KANK1: variants seen among roughly 807,000 people sequenced by gnomAD.
The protein encoded by KANK1 is KN motif and ankyrin repeat domains 1, also known as KN motif and ankyrin repeat domain-containing protein 1.
Under a neutral mutation model 106.2 loss-of-function variants are expected in KANK1, and 109 were observed. The ratio of observed to expected loss-of-function variants is 1.03; its 90% CI spans 0.88 to 1.20. The LOEUF is 1.20. Among genes scored for constraint, KANK1 ranks in the 50% most tolerant of loss-of-function variants. The pLI is 0.00. For missense variants in KANK1, 2,399 were observed against 1,710.7 expected, an observed-to-expected ratio of 1.40 and a Z score of -7.10; for synonymous variants, 873 against 652.2, an observed-to-expected ratio of 1.34 and a Z score of -5.16.
intron 1 of KANK1, among the ~76,000 whole-genome samples, chr9:543,278 G>A (rs781109197): frequency 6.6e-5 from 10 of 151,796 alleles, no homozygotes; most frequent in Non-Finnish European, 1.0e-4. Flanking sequence ...CATTGAGGCC[G>A]GGCACGGTGG....
At chr9:509,641 G>A (rs2058940787) in intron 1 of KANK1, among the ~76,000 whole-genome samples, 2 of 152,042 alleles carry the variant, frequency 1.3e-5, no homozygotes, top group African/African-American at 2.4e-5. Context: ...TGTTTTACTA[G>A]TACATACCGT....
chr9:489,088 A>G (rs1194953566), intron 3 of KANK1: 5 of 152,152 alleles, frequency 3.3e-5, no homozygotes, highest in Non-Finnish European at 7.3e-5. Flanking sequence ...CCAAAGGTAG[A>G]ATTTTTGTTT....
intron 1 of KANK1, among the ~76,000 whole-genome samples, chr9:539,962 A>G (rs147344828): frequency 1.3e-3 from 204 of 152,356 alleles, no homozygotes; most frequent in African/African-American, 4.8e-3. Context: ...TTTTCTATAT[A>G]TAAGATTATA....
At chr9:559,917 T>G (rs1311707748) in intron 1 of KANK1, among the ~76,000 whole-genome samples, 1 of 152,242 alleles carries the variant, frequency 6.6e-6, no homozygotes, top group African/African-American at 2.4e-5. Flanking sequence ...TTCTGGAACT[T>G]TCTTAAGCAT....
intron 3 of KANK1, among the ~76,000 whole-genome samples, chr9:715,509 C>CAT (rs1827443503): frequency 6.6e-6 from 1 of 152,084 alleles, no homozygotes; most frequent in Non-Finnish European, 1.5e-5. Flanking sequence ...CCTCTGAGCA[C>CAT]GGAGACCAGG....
chr9:572,522 A>C (rs1219948160), intron 1 of KANK1, among the ~76,000 whole-genome samples: 1 of 152,080 alleles, frequency 6.6e-6, no homozygotes, highest in African/African-American at 2.4e-5. Flanking sequence ...ACTGCACTCC[A>C]GCATGAGTGA....
chr9:526,741 T>G (rs2059809794), intron 1 of KANK1, among the ~76,000 whole-genome samples: 1 of 151,710 alleles, frequency 6.6e-6, no homozygotes, highest in Non-Finnish European at 1.5e-5. Flanking sequence ...TGTTGAACCA[T>G]AAGAAAATGC....
upstream of KANK1, among the ~76,000 whole-genome samples, chr9:501,831 G>A (rs1254100968): frequency 6.6e-6 from 1 of 152,174 alleles, no homozygotes. Flanking sequence ...GGGATTATAG[G>A]CACAAGCGCC....
chr9:672,108 T>A (rs1350328383), intron 1 of KANK1, among the ~76,000 whole-genome samples: 1 of 152,178 alleles, frequency 6.6e-6, no homozygotes, highest in Non-Finnish European at 1.5e-5. Flanking sequence ...GTTAAAACAA[T>A]AGTGCCCTTA....
At chr9:504,506 C>T (rs1320473570), upstream of KANK1, among the ~76,000 whole-genome samples, 1 of 151,602 alleles carries the variant, frequency 6.6e-6, no homozygotes, top group Non-Finnish European at 1.5e-5. Flanking sequence ...GCAGCCGGGG[C>T]TTCGCCGGCC....
chr9:519,456 G>C (rs889288184), intron 1 of KANK1, among the ~76,000 whole-genome samples: 1 of 151,662 alleles, frequency 6.6e-6, no homozygotes, highest in Admixed American at 6.6e-5. Context: ...TTTTTCTTTG[G>C]CTTCTAGAGA....
chr9:483,741 C>T (rs1476176256), intron 3 of KANK1, among the ~76,000 whole-genome samples: 2 of 152,310 alleles, frequency 1.3e-5, no homozygotes, highest in South Asian at 4.1e-4. Context: ...GCTTTCTACT[C>T]AGACTTTCTG....
chr9:569,019 A>C (rs886284790), intron 1 of KANK1, among the ~76,000 whole-genome samples: 2 of 151,992 alleles, frequency 1.3e-5, no homozygotes, highest in East Asian at 3.9e-4. Flanking sequence ...GTGCTCTTCT[A>C]CCCACCTGTA....
chr9:603,050 C>T (rs1180740038), intron 1 of KANK1, among the ~76,000 whole-genome samples: 1 of 151,778 alleles, frequency 6.6e-6, no homozygotes, highest in Non-Finnish European at 1.5e-5. Flanking sequence ...GTGGGCCTTA[C>T]CACCTGTTTC....
chr9:728,878 T>C (rs764050438), intron 3 of KANK1, among the ~76,000 whole-genome samples: 1 of 152,214 alleles, frequency 6.6e-6, no homozygotes, highest in Non-Finnish European at 1.5e-5. Context: ...CCACCCTTAT[T>C]TGAGTTCTTC....
intron 3 of KANK1, among the ~76,000 whole-genome samples, chr9:722,112 A>C (rs772318491): frequency 5.9e-5 from 9 of 152,266 alleles, no homozygotes; most frequent in Non-Finnish European, 1.2e-4. Flanking sequence ...TCCTAGGCAC[A>C]GGCCAAGCTA....
chr9:744,810 A>G, intron 11 of KANK1: 2 of 1,441,270 alleles, frequency 1.4e-6, no homozygotes, highest in East Asian at 2.6e-5. Flanking sequence ...TGCAAGACAT[A>G]TGCTCACAGC....
At chr9:544,055 C>G (rs2060779072) in intron 1 of KANK1, among the ~76,000 whole-genome samples, 1 of 151,514 alleles carries the variant, frequency 6.6e-6, no homozygotes, top group Non-Finnish European at 1.5e-5. Context: ...AGACAATGTT[C>G]TGTTGCCCAG....
At chr9:730,481 C>G in intron 4 of KANK1, 1 of 489,896 alleles carries the variant, frequency 2.0e-6, no homozygotes, top group Non-Finnish European at 3.7e-6. Flanking sequence ...CATTTGAGGC[C>G]AGGAGTTCGA....
Sources: allele counts gnomAD v4.1 joint callset (sites outside exome capture counted in the v4.1 genomes callset), GRCh38; gene constraint gnomAD v4.1.1; transcripts MANE v1.5; gene names NCBI Gene and HGNC (gene_info 2026-07-23, HGNC 2026-07-21).